The following STPG2 variants were observed in gnomAD, a reference collection of about 807,000 sequenced individuals.
STPG2 encodes sperm-tail PG-rich repeat-containing protein 2.
Under a neutral mutation model 54.2 loss-of-function variants are expected in STPG2, and 56 were observed. The ratio of observed to expected loss-of-function variants is 1.03; its 90% CI spans 0.83 to 1.29. STPG2 has a LOEUF of 1.29. Ranked by LOEUF, STPG2 falls within the 50% of genes most tolerant of loss-of-function variation. STPG2 has a pLI of 0.00. For missense variants in STPG2, 596 were observed against 544.9 expected, an observed-to-expected ratio of 1.09 and a Z score of -0.93; for synonymous variants, 200 against 181.8, an observed-to-expected ratio of 1.10 and a Z score of -0.81.
intron 2 of STPG2, among the ~76,000 whole-genome samples, chr4:98,132,806 C>CAA (rs1740035359): frequency 6.6e-6 from 1 of 151,664 alleles, no homozygotes; most frequent in Non-Finnish European, 1.5e-5. Flanking sequence ...ACTTGAAACT[C>CAA]AAAACTAAAA....
intron 10 of STPG2, among the ~76,000 whole-genome samples, chr4:97,580,380 ATTAC>A (rs1177945231): frequency 6.6e-6 from 1 of 152,000 alleles, no homozygotes; most frequent in East Asian, 1.9e-4. Context: ...CTGACAGAAT[ATTAC>A]TTAGAATAAA....
At chr4:97,931,478 A>G (rs913441873) in intron 8 of STPG2, among the ~76,000 whole-genome samples, 1 of 152,204 alleles carries the variant, frequency 6.6e-6, no homozygotes, top group African/African-American at 2.4e-5. Flanking sequence ...TATGTGATAA[A>G]TCGCATTATC....
chr4:97,564,106 T>C (rs1578391364), intron 10 of STPG2, among the ~76,000 whole-genome samples: 3 of 152,336 alleles, frequency 2.0e-5, no homozygotes, highest in Admixed American at 2.0e-4. Context: ...GCTTTATGAA[T>C]GTAGGTGCTC....
At chr4:97,545,866 G>T (rs1173108926) in intron 4 of STPG2, among the ~76,000 whole-genome samples, 1 of 151,948 alleles carries the variant, frequency 6.6e-6, no homozygotes, top group South Asian at 2.1e-4. Context: ...TGCACTAAAT[G>T]TAATTTTCTC....
chr4:97,519,412 A>T (rs539366870), intron 4 of STPG2, among the ~76,000 whole-genome samples: 1 of 152,152 alleles, frequency 6.6e-6, no homozygotes, highest in African/African-American at 2.4e-5. Context: ...CAGAATTGAG[A>T]TAGTTATGTG....
intron 9 of STPG2, among the ~76,000 whole-genome samples, chr4:97,800,597 G>T (rs1051654270): frequency 2.0e-5 from 3 of 152,190 alleles, no homozygotes; most frequent in Non-Finnish European, 4.4e-5. Flanking sequence ...CCCCTAATGG[G>T]GGGTGCCTCC....
chr4:97,871,078 G>T (rs1021154184), intron 8 of STPG2, among the ~76,000 whole-genome samples: 8 of 150,908 alleles, frequency 5.3e-5, no homozygotes, highest in Admixed American at 5.3e-4. Context: ...GAGTGAAAAT[G>T]AAAATACAAA....
At chr4:97,745,515 A>C (rs1487457951) in intron 9 of STPG2, among the ~76,000 whole-genome samples, 1 of 151,124 alleles carries the variant, frequency 6.6e-6, no homozygotes, top group Non-Finnish European at 1.5e-5. Flanking sequence ...CTATGCTATA[A>C]TTATGAAATA....
At chr4:97,537,176 G>T (rs1731553032) in intron 4 of STPG2, among the ~76,000 whole-genome samples, 1 of 152,124 alleles carries the variant, frequency 6.6e-6, no homozygotes, top group South Asian at 2.1e-4. Flanking sequence ...TCATCTCACT[G>T]GGACCTGTCG....
At chr4:98,127,335 GA>G (rs1360672997) in intron 3 of STPG2, among the ~76,000 whole-genome samples, 1 of 151,992 alleles carries the variant, frequency 6.6e-6, no homozygotes, top group South Asian at 2.1e-4. Flanking sequence ...AATGTTTTAA[GA>G]AAAAAGATTT....
intron 5 of STPG2, among the ~76,000 whole-genome samples, chr4:98,084,688 G>A (rs1738454552): frequency 1.3e-5 from 2 of 151,972 alleles, no homozygotes; most frequent in South Asian, 2.1e-4. Flanking sequence ...TGTCATTTTT[G>A]TTTGCATGTT....
intron 10 of STPG2, among the ~76,000 whole-genome samples, chr4:97,565,326 T>C (rs543989376): frequency 2.0e-5 from 3 of 152,314 alleles, no homozygotes; most frequent in East Asian, 1.9e-4. Context: ...ATTATAGTTA[T>C]ACATTCATCG....
At chr4:98,127,380 T>G (rs960717661) in intron 3 of STPG2, among the ~76,000 whole-genome samples, 1 of 152,114 alleles carries the variant, frequency 6.6e-6, no homozygotes, top group Admixed American at 6.6e-5. Flanking sequence ...CCCAAAAACT[T>G]CCCAGTGTAG....
chr4:98,130,921 C>CAAAAAAAAAA (rs34206321), intron 2 of STPG2, among the ~76,000 whole-genome samples: 9 of 41,546 alleles, frequency 2.2e-4, no homozygotes, highest in Admixed American at 6.0e-4. Context: ...GACTCCGTCT[C>CAAAAAAAAAA]AAAAAAAAAA....
At chr4:97,907,063 G>A (rs1188003862) in intron 8 of STPG2, among the ~76,000 whole-genome samples, 4 of 151,884 alleles carry the variant, frequency 2.6e-5, no homozygotes, top group African/African-American at 9.7e-5. Context: ...ATTAGGAAAA[G>A]AGGAAGTCAA....
At chr4:97,705,514 C>T (rs549242154) in intron 10 of STPG2, among the ~76,000 whole-genome samples, 15 of 151,918 alleles carry the variant, frequency 9.9e-5, no homozygotes, top group African/African-American at 2.4e-4. Flanking sequence ...TTAGTCGAGA[C>T]GGGGTTTCAT....
At chr4:97,470,173 G>A (rs1729889043) in intron 4 of STPG2, among the ~76,000 whole-genome samples, 1 of 152,000 alleles carries the variant, frequency 6.6e-6, no homozygotes, top group South Asian at 2.1e-4. Flanking sequence ...TCTCCCTCAG[G>A]AGAGAGAGAA....
intron 4 of STPG2, among the ~76,000 whole-genome samples, chr4:97,524,329 G>T (rs1463384133): frequency 6.6e-6 from 1 of 151,856 alleles, no homozygotes; most frequent in East Asian, 1.9e-4. Context: ...TTTCTTTTTA[G>T]TTGGTGGTCT....
rs868393699 is a variant in STPG2, at chr4:97,838,355, G to A, written c.1204+2418C>T. On this transcript the variant is annotated intron_variant, in intron 9 of 10. Transcript: ENST00000295268. ...TAGAATTATTATCACTGAATCTTTTGATTATACAATGATGTTTTAAAAATC... is the reference window on the plus strand; with the variant it reads ...TAGAATTATTATCACTGAATCTTTTAATTATACAATGATGTTTTAAAAATC... Among the ~76,000 whole-genome samples the A allele has an allele frequency of 3.3e-5, 5 of 151,282 alleles. No homozygotes were observed. The Middle Eastern group carries it at 0.01, about 311-fold the overall frequency.
Sources: allele counts gnomAD v4.1 joint callset (sites outside exome capture counted in the v4.1 genomes callset), GRCh38; gene constraint gnomAD v4.1.1; transcripts MANE v1.5; gene names NCBI Gene and HGNC (gene_info 2026-07-23, HGNC 2026-07-21).